The following ALDH3B2 variants were observed in gnomAD, a reference collection of about 807,000 sequenced individuals.
ALDH3B2 encodes the protein aldehyde dehydrogenase family 3 member B2.
ALDH3B2 carries 45 observed loss-of-function variants against 36.7 expected under a neutral mutation model. The ratio of observed to expected loss-of-function variants is 1.23; its 90% CI spans 0.97 to 1.57. The LOEUF is 1.57. Among genes scored for constraint, ALDH3B2 ranks in the 40% most tolerant of loss-of-function variants. ALDH3B2 has a pLI of 0.00. For synonymous variants in ALDH3B2, 217 were observed against 226.5 expected (o/e 0.96, Z 0.38); for missense variants, 464 against 513.3 (o/e 0.90, Z 0.93).
upstream of ALDH3B2, among the ~76,000 whole-genome samples, chr11:67,677,644 A>G (rs1856295692): frequency 6.6e-6 from 1 of 152,184 alleles, no homozygotes; most frequent in South Asian, 2.1e-4. Flanking sequence ...ATCTGAATCG[A>G]TAAAGAGGAA....
rs916978196 is a variant in ALDH3B2 at position 67,666,707 on chromosome 11, G to C, written c.31-13C>G. On this transcript the variant is annotated splice_polypyrimidine_tract_variant and intron_variant, in intron 3 of 9. Coordinates refer to ENST00000349015, the Ensembl canonical transcript of ALDH3B2. ...CCAGCTTCATGAACTGAGGCACAGGGTAGACAGTGAGGCCCTGCCAAGGGC... is the reference window on the plus strand; with the variant it reads ...CCAGCTTCATGAACTGAGGCACAGGCTAGACAGTGAGGCCCTGCCAAGGGC... 1 of 1,613,902 alleles carries C rather than the reference G, an allele frequency of 6.2e-7. No individual in the cohort carries two copies. Among genetic ancestry groups the C allele is most frequent in the Admixed American group, 1.7e-5 (1 of 59,988 alleles).
upstream of ALDH3B2, among the ~76,000 whole-genome samples, chr11:67,677,306 G>T (rs1243708129): frequency 2.0e-5 from 3 of 151,914 alleles, no homozygotes; most frequent in African/African-American, 7.3e-5. Flanking sequence ...AACGTAGGAG[G>T]GTCAATAAAT....
At chr11:67,675,423 G>A (rs1015547999), upstream of ALDH3B2, among the ~76,000 whole-genome samples, 2 of 152,194 alleles carry the variant, frequency 1.3e-5, no homozygotes, top group Non-Finnish European at 2.9e-5. Context: ...TAGGTTCCAG[G>A]GAGCAGAATG....
exon 7 of ALDH3B2, chr11:67,665,540 C>G: frequency 1.2e-6 from 2 of 1,614,046 alleles, no homozygotes; most frequent in Non-Finnish European, 1.7e-6. Flanking sequence ...AACCAGGCCA[C>G]GCGGTTGGCC....
At chr11:67,669,700 G>A (rs796923178) in intron 1 of ALDH3B2, among the ~76,000 whole-genome samples, 1 of 148,016 alleles carries the variant, frequency 6.8e-6, no homozygotes, top group East Asian at 2.0e-4. Context: ...GTCTGTGTGT[G>A]TATGGGTGTC....
At position 67,665,595 on chromosome 11, in the gene ALDH3B2, GC is replaced by G. The variant is rs768977581; in HGVS notation, c.395del (p.Gly132AlafsTer118). 8.1e-6 allele frequency: 13 copies of G among 1,613,906 alleles called. No individual in the cohort carries two copies. Among genetic ancestry groups the G allele is most frequent in the Non-Finnish European group, 1.1e-5 (13 of 1,179,974 alleles). On this transcript the variant is annotated frameshift_variant, in exon 7 of 10. Transcript: ENST00000349015. LOFTEE classifies it high-confidence loss of function. ...TGTCGTCCACGTAGCAGGGGTTCTT[GC>G]CCCCCAGCTCCAGGGTGACAGGCGT... is the stretch of plus-strand genomic sequence containing the variant.
intron 1 of ALDH3B2, among the ~76,000 whole-genome samples, chr11:67,671,831 C>A (rs960376970): frequency 4.6e-5 from 7 of 150,802 alleles, no homozygotes; most frequent in African/African-American, 1.7e-4. Context: ...GCATGAGCCA[C>A]CGTGCGGGCC....
At chr11:67,666,527 G>A (rs1463000853) in intron 4 of ALDH3B2, 47 bp downstream of exon 4, 2 of 1,611,590 alleles carry the variant, frequency 1.2e-6, no homozygotes, top group African/African-American at 2.7e-5. Flanking sequence ...CTCTTTGGGA[G>A]GGGCTACTGG....
chr11:67,667,441 G>T, intron 2 of ALDH3B2, 32 bp downstream of exon 2: 1 of 358,650 alleles, frequency 2.8e-6, no homozygotes, highest in Non-Finnish European at 5.2e-6. Context: ...CGCTGCTCCA[G>T]CCCCTGCCGG....
rs901831851 is a variant in ALDH3B2, at chr11:67,679,809, C to T, written c.-245+1367G>A. ...CAATCAAATCTTGCTGCATTTTGTGCGAAAAAATCAGGCCAAGTATAATAA... is the reference window on the plus strand; with the variant it reads ...CAATCAAATCTTGCTGCATTTTGTGTGAAAAAATCAGGCCAAGTATAATAA... On this transcript the variant is annotated intron_variant, in intron 1 of 9. Transcript: ENST00000530069. Among the ~76,000 whole-genome samples the T allele has an allele frequency of 5.9e-5, 9 of 152,066 alleles. No homozygotes were observed. The East Asian group carries it at 7.7e-4, about 13-fold the overall frequency.
At chr11:67,665,329 C>G (rs188008035) in exon 7 of ALDH3B2, 1 of 1,611,334 alleles carries the variant, frequency 6.2e-7, no homozygotes, top group Non-Finnish European at 8.5e-7. Context: ...AATGGCCACG[C>G]GGCTGCAGCC....
chr11:67,663,671 C>T (rs200176520), exon 9 of ALDH3B2: 51 of 1,609,724 alleles, frequency 3.2e-5, no homozygotes, highest in African/African-American at 6.7e-5. Flanking sequence ...CCGACTCCCC[C>T]GAATGGCACG....
At chr11:67,668,618 T>TTGTGTGTCTATGTGTGTGTGTGTGTA (rs1855987881) in intron 1 of ALDH3B2, among the ~76,000 whole-genome samples, 1 of 151,646 alleles carries the variant, frequency 6.6e-6, no homozygotes, top group Non-Finnish European at 1.5e-5. Context: ...CTTTGTGTCT[T>TTGTGTGTCTATGTGTGTGTGTGTGTA]TGTGTGTCTA....
At chr11:67,679,635 T>C (rs576171649), upstream of ALDH3B2, among the ~76,000 whole-genome samples, 1 of 150,544 alleles carries the variant, frequency 6.6e-6, no homozygotes, top group African/African-American at 2.4e-5. Flanking sequence ...AAAAATTAGC[T>C]GGGCATGGTA....
intron 8 of ALDH3B2, 139 bp downstream of exon 8, chr11:67,664,257 G>T: frequency 7.5e-7 from 1 of 1,335,682 alleles, no homozygotes; most frequent in Non-Finnish European, 1.0e-6. Flanking sequence ...CGGATGCAGT[G>T]GTACCAGGTG....
intron 7 of ALDH3B2, 129 bp downstream of exon 7, chr11:67,665,155 TG>T: frequency 6.8e-7 from 1 of 1,466,392 alleles, no homozygotes; most frequent in Non-Finnish European, 9.2e-7. Context: ...ACCAGAGCCA[TG>T]GCTCAAGGCC....
intron 1 of ALDH3B2, among the ~76,000 whole-genome samples, chr11:67,673,367 C>A (rs529620038): frequency 6.6e-6 from 1 of 152,172 alleles, no homozygotes; most frequent in East Asian, 1.9e-4. Context: ...AGTCTACACA[C>A]GGAACAATGA....
rs1855935620 is a variant in ALDH3B2, at chr11:67,666,900, G to A, written c.30+6C>T. The A allele has an allele frequency of 2.5e-6, 4 of 1,614,098 alleles. No homozygotes were observed. Among genetic ancestry groups the A allele is most frequent in the Non-Finnish European group, 8.5e-7 (1 of 1,180,034 alleles). On this transcript the variant is annotated splice_donor_region_variant and intron_variant, in intron 3 of 9. Coordinates refer to ENST00000349015, the Ensembl canonical transcript of ALDH3B2. The stretch of plus-strand genomic sequence containing the variant: ...TGCCCTCCTGCCGCCTGCCAGCAGG[G>A]CTCACCAGGTTCGTGGACCGTGGTT...
exon 7 of ALDH3B2, chr11:67,665,484 G>A (rs1337138687): frequency 6.2e-7 from 1 of 1,614,118 alleles, no homozygotes; most frequent in South Asian, 1.1e-5. Flanking sequence ...GGCTGCACAG[G>A]ACGTAGTCAG....
Sources: allele counts gnomAD v4.1 joint callset (sites outside exome capture counted in the v4.1 genomes callset), GRCh38; gene constraint gnomAD v4.1.1; transcripts MANE v1.5; gene names NCBI Gene and HGNC (gene_info 2026-07-23, HGNC 2026-07-21).